NEB: variants seen among roughly 807,000 people sequenced by gnomAD.
The protein encoded by NEB is nebulin.
In NEB, 512 loss-of-function variants were observed where a neutral mutation model predicts 952.2. The observed-to-expected ratio is 0.54, with a 90% CI of 0.50 to 0.58. NEB has a LOEUF of 0.58. Among genes scored for constraint, NEB ranks in the 20% least tolerant of loss-of-function variants. NEB has a pLI of 0.00. For missense variants in NEB, 8,428 were observed against 9,231.1 expected, an observed-to-expected ratio of 0.91 and a Z score of 3.56; for synonymous variants, 2,900 against 3,149.8, an observed-to-expected ratio of 0.92 and a Z score of 2.66.
In NEB at chr2:151,697,228, C is replaced by A; in HGVS notation, c.1390G>T (p.Glu464Ter). The A allele has an allele frequency of 6.2e-7, 1 of 1,613,858 alleles. No homozygotes were observed. Among genetic ancestry groups the A allele is most frequent in the Non-Finnish European group, 8.5e-7 (1 of 1,179,858 alleles). ...GGGAAGAAGCCTTTGCCTCTGTCTT[C>A]TTCGTATTCTGCTTTGTAGTTTTTC... ...SDKNYKAEYE[E>*]DRGKGFFPQT... The change falls in exon 16 of 182, where the codon GAA (glutamate) becomes TAA (stop). Residue 464 changes from glutamate to a stop codon, truncating the protein, a stop_gained. Coordinates refer to ENST00000397345, the MANE Select transcript of NEB (RefSeq NM_001164508.2). LOFTEE classifies it high-confidence loss of function.
chr2:151,551,600 G>A, intron 129 of NEB, 138 bp downstream of exon 129: 1 of 669,516 alleles, frequency 1.5e-6, no homozygotes, highest in South Asian at 1.9e-5. Flanking sequence ...ATTATGCTCT[G>A]TGTTTTTGTT....
rs185740450 is a variant in NEB at position 151,656,259 on chromosome 2, G to T, written c.6389C>A (p.Ala2130Asp). 27 of 1,613,608 alleles carry T rather than the reference G, an allele frequency of 1.7e-5. No individual in the cohort carries two copies. The highest frequency in any genetic ancestry group is 2.2e-5 in the Non-Finnish European group (26 of 1,179,714). ...LSVTAAKDAQ[A>D]NITNTNYKHL... Reference sequence around the variant, plus strand: ...CTTGTAGTTAGTGTTGGTGATGTTGGCTTGGGCATCCTTTGCAGCCGTGAC... The same window carrying T: ...CTTGTAGTTAGTGTTGGTGATGTTGTCTTGGGCATCCTTTGCAGCCGTGAC... Residue 2130 changes from alanine to aspartate, a missense_variant, in exon 49 of 182, where the codon GCC (alanine) becomes GAC (aspartate). Ala to Asp is a moderately radical substitution (Grantham distance 126). Around this residue, in one of 11 missense-constraint regions of NEB, gnomAD observed 2,851 missense variants for 2,791.5 expected, o/e 1.02. Coordinates refer to ENST00000397345, the MANE Select transcript of NEB (RefSeq NM_001164508.2).
rs1369460998 is a variant in NEB at position 151,548,407 on chromosome 2, G to A, written c.20058C>T (p.Tyr6686=). 1.2e-6 allele frequency: 2 copies of A among 1,611,858 alleles called. No homozygotes were observed. Among genetic ancestry groups the A allele is most frequent in the Non-Finnish European group, 8.5e-7 (1 of 1,178,052 alleles). The part of the protein sequence containing the change: ...DTRYMSSYFK[Y]KEAYEHTKAY... ...CCTTGGTGTGTTCATAGGCTTCTTT[G>A]TACTTGAACTGCAAAAGCAAAGTCA... is the stretch of plus-strand genomic sequence containing the variant. Residue 6686 remains tyrosine, a synonymous_variant, in exon 131 of 182, where the codon TAC becomes TAT. Coordinates refer to ENST00000397345, the MANE Select transcript of NEB (RefSeq NM_001164508.2).
chr2:151,684,214 A>G (rs1232209697), intron 28 of NEB, among the ~76,000 whole-genome samples: 1 of 152,192 alleles, frequency 6.6e-6, no homozygotes, highest in Non-Finnish European at 1.5e-5. Flanking sequence ...AATTTATGTT[A>G]TATGTATTTT....
chr2:151,667,694 ATT>A, intron 40 of NEB, 108 bp downstream of exon 40: 47 of 602,310 alleles, frequency 7.8e-5, no homozygotes, highest in Non-Finnish European at 9.3e-5. Flanking sequence ...CATCTGGCTA[ATT>A]TTTTTTTTTA....
chr2:151,507,702 C>T, intron 162 of NEB: 1 of 305,718 alleles, frequency 3.3e-6, no homozygotes, highest in Non-Finnish European at 6.1e-6. Flanking sequence ...TTGTGTGTCT[C>T]TCTTGTTAAT....
chr2:151,665,199 T>C (rs13407334), intron 42 of NEB, 134 bp downstream of exon 42: 65,235 of 783,376 alleles, frequency 0.083, 3,263 homozygotes, highest in Middle Eastern at 0.12. Flanking sequence ...ATGGAAGCAA[T>C]AGAGTCCCCC....
intron 178 of NEB, 57 bp downstream of exon 178, chr2:151,492,041 T>C: frequency 7.8e-6 from 12 of 1,542,004 alleles, no homozygotes; most frequent in Non-Finnish European, 1.1e-5. Flanking sequence ...ATGCTACTTT[T>C]GTTCTTCTAC....
chr2:151,527,444 T>C, intron 147 of NEB, 37 bp downstream of exon 147: 1 of 1,383,528 alleles, frequency 7.2e-7, no homozygotes, highest in Non-Finnish European at 1.0e-6. Flanking sequence ...TCAGGTGCAG[T>C]ATGCAGTTAC....
At position 151,643,906 on chromosome 2, in the gene NEB, T is replaced by C; in HGVS notation, c.7868A>G (p.Asp2623Gly). The change falls in exon 57 of 182, where the codon GAC (aspartate) becomes GGC (glycine). Residue 2623 changes from aspartate (D) to glycine (G), a missense_variant. This residue lies in a region of NEB where 1,772 missense variants were observed against 1,960.3 expected (regional missense o/e 0.90). Coordinates refer to ENST00000397345, the MANE Select transcript of NEB (RefSeq NM_001164508.2). ...CCACTGGTGCAGGTAGTTCTTGTAG[T>C]CCACGTCGCTGACTAAGGTCTGGCA... ...KKCQTLVSDV[D>G]YKNYLHQWTC... 6.2e-7 allele frequency: 1 copy of C among 1,613,940 alleles called. No homozygotes were observed. Among genetic ancestry groups the C allele is most frequent in the South Asian group, 1.1e-5 (1 of 91,078 alleles).
At chr2:151,618,569 C>A in intron 73 of NEB, 91 bp from the exon 74 acceptor site, 3 of 1,204,236 alleles carry the variant, frequency 2.5e-6, no homozygotes, top group East Asian at 5.1e-5. Flanking sequence ...CACAAAAATA[C>A]CGATGAATAG....
At chr2:151,491,557 C>T in intron 179 of NEB, 126 bp downstream of exon 179, 2 of 790,806 alleles carry the variant, frequency 2.5e-6, no homozygotes, top group Non-Finnish European at 2.1e-6. Context: ...TATTTTTATG[C>T]CAAATGGGCA....
rs555018349 is a variant in NEB, at chr2:151,562,990, T to C, written c.18694-182A>G. ...TACTTTATATACTTTAATATATTCT[T>C]CTTCTTTTGAAATTTCCCATCTTTT... On this transcript the variant is annotated intron_variant, in intron 119 of 181. Transcript: ENST00000397345. Among the ~76,000 whole-genome samples, 35 of 148,892 alleles carry C rather than the reference T, an allele frequency of 2.4e-4. No individual in the cohort carries two copies. The South Asian group carries it at 7.3e-3, about 31-fold the overall frequency.
chr2:151,698,600 T>C (rs1235163607), intron 13 of NEB, among the ~76,000 whole-genome samples: 1 of 151,944 alleles, frequency 6.6e-6, no homozygotes, highest in Non-Finnish European at 1.5e-5. Context: ...TTTTCAAGCT[T>C]CATCCTTGTT....
intron 40 of NEB, among the ~76,000 whole-genome samples, chr2:151,667,558 T>A (rs185429034): frequency 6.6e-6 from 1 of 152,186 alleles, no homozygotes; most frequent in African/African-American, 2.4e-5. Context: ...TTTTTAGAGA[T>A]GGGATCTCAC....
At chr2:151,648,740 T>C (rs1274248256) in intron 54 of NEB, among the ~76,000 whole-genome samples, 1 of 152,260 alleles carries the variant, frequency 6.6e-6, no homozygotes, top group African/African-American at 2.4e-5. Flanking sequence ...TGTTGCTAAA[T>C]GTTCCTGTGG....
Position 151,688,383 on chromosome 2 carries a change from G to A in NEB, c.2324C>T (p.Ala775Val), listed in dbSNP as rs537850384. The change falls in exon 25 of 182, where the codon GCA (alanine) becomes GTA (valine). Residue 775 changes from alanine to valine, a missense_variant. Physicochemically the swap from Ala to Val is moderately conservative, Grantham distance 64. Coordinates refer to ENST00000397345, the MANE Select transcript of NEB (RefSeq NM_001164508.2). ...TKQLSDLNYK[A>V]KHEGEKFKCH... ...CTTGAACTTCTCACCTTCATGTTTT[G>A]CTTTGTAATTCAGCTGAAAAACAAA... 1 of 1,613,436 alleles carries A rather than the reference G, an allele frequency of 6.2e-7. No homozygotes were observed. The highest frequency in any genetic ancestry group is 1.1e-5 in the South Asian group (1 of 91,022).
Position 151,674,546 on chromosome 2 carries a change from C to T in NEB, c.3918G>A (p.Lys1306=), listed in dbSNP as rs368682145. ...YKRDWYDLIA[K]GNNVLGDAIP... Reference sequence around the variant, plus strand: ...TAGCATCGCCCAGCACATTGTTGCCCTTGGCTATTAAGTCATACCAATCCC... The same window carrying T: ...TAGCATCGCCCAGCACATTGTTGCCTTTGGCTATTAAGTCATACCAATCCC... The change falls in exon 36 of 182, where the codon AAG becomes AAA. Residue 1306 remains lysine (K), a synonymous_variant. Coordinates refer to ENST00000397345, the MANE Select transcript of NEB (RefSeq NM_001164508.2). 159 of 1,613,906 alleles carry T rather than the reference C, an allele frequency of 9.9e-5. 1 individual carries two copies. In the Middle Eastern group the frequency reaches 1.5e-3, roughly 15 times the overall value.
chr2:151,671,237 A>T lies in NEB; in HGVS notation c.4300-8T>A, dbSNP rs2099281908. ...CTCGTCTTTATACACATTCTGTAAA[A>T]GGGTAAGCTAATATGAGAAGATACC... On this transcript the variant is annotated splice_region_variant and splice_polypyrimidine_tract_variant and intron_variant, in intron 37 of 181. Coordinates refer to ENST00000397345, the MANE Select transcript of NEB (RefSeq NM_001164508.2). 1 of 1,603,856 alleles carries T rather than the reference A, an allele frequency of 6.2e-7. No individual in the cohort carries two copies.
Sources: allele counts gnomAD v4.1 joint callset (sites outside exome capture counted in the v4.1 genomes callset), GRCh38; gene constraint gnomAD v4.1.1; regional missense constraint gnomAD v4.1.1; transcripts MANE v1.5; gene names NCBI Gene and HGNC (gene_info 2026-07-23, HGNC 2026-07-21).